Variants in HTR6 observed in about 807,000 individuals in gnomAD.
HTR6 encodes the protein 5-hydroxytryptamine receptor 6, also known as 5-hydroxytryptamine (serotonin) receptor 6, G protein-coupled.
In HTR6, 15 loss-of-function variants were observed where a neutral mutation model predicts 17.4. The observed-to-expected ratio is 0.86, with a 90% CI of 0.58 to 1.33. HTR6 has a LOEUF of 1.33. HTR6 is among the 40% of genes most tolerant of loss of function. The probability of loss-of-function intolerance (pLI) is 0.00; values close to 1 mark genes in which losing one functional copy is unlikely to be tolerated. For synonymous variants in HTR6, 326 were observed against 295.5 expected (o/e 1.10, Z -1.06); for missense variants, 578 against 616.0 (o/e 0.94, Z 0.65).
rs535261553 is a variant in HTR6 at position 19,664,945 on chromosome 1, C to T, written c.-809C>T. Among the ~76,000 whole-genome samples the T allele has an allele frequency of 0.013, 1,964 of 149,920 alleles. 46 individuals are homozygous for T. Among genetic ancestry groups the T allele is most frequent in the African/African-American group, 0.043 (1,782 of 41,304 alleles). Reference sequence around the variant, plus strand: ...CCGGGCTCGGGAGACCCGGTCCCGCCGCCCGCCCGGCCCGCGGCCGCCTCT... The same window carrying T: ...CCGGGCTCGGGAGACCCGGTCCCGCTGCCCGCCCGGCCCGCGGCCGCCTCT... On this transcript the variant is annotated 5_prime_UTR_variant, in exon 1 of 3. Coordinates refer to ENST00000289753, the MANE Select transcript of HTR6 (RefSeq NM_000871.3). This position sits in a 1 kb window ranked among gnomAD's most constrained non-coding sequence, Gnocchi z 4.7.
At position 19,680,140 on chromosome 1, in the gene HTR6, T is replaced by C. The variant is rs992336859; in HGVS notation, c.*772T>C. On this transcript the variant is annotated 3_prime_UTR_variant, in exon 3 of 3. Coordinates refer to ENST00000289753, the MANE Select transcript of HTR6 (RefSeq NM_000871.3). ...TCCCATGTGTAAGGTAGAGAAATGATGCCTATCTTGCAGGTTGTCTTGAGA... is the reference window on the plus strand; with the variant it reads ...TCCCATGTGTAAGGTAGAGAAATGACGCCTATCTTGCAGGTTGTCTTGAGA... Among the ~76,000 whole-genome samples the C allele has an allele frequency of 9.9e-5, 15 of 152,210 alleles. No individual in the cohort carries two copies. Among genetic ancestry groups the C allele is most frequent in the Non-Finnish European group, 1.9e-4 (13 of 68,036 alleles).
In HTR6 at chr1:19,678,324, G is replaced by C. The variant is rs558393071; in HGVS notation, c.715-243G>C. On this transcript the variant is annotated intron_variant, in intron 1 of 2. Transcript: ENST00000289753. ...GGTTATGTAGGGCTTTATGGTAGGT[G>C]TCAGGGTTCAGTGGGGGGCCAAGGT... 1.8e-3 allele frequency among the ~76,000 whole-genome samples: 268 copies of C among 152,146 alleles called. 2 individuals are homozygous for C. Among genetic ancestry groups the C allele is most frequent in the African/African-American group, 6.2e-3 (256 of 41,482 alleles).
intron 1 of HTR6, among the ~76,000 whole-genome samples, chr1:19,672,786 T>C (rs763681047): frequency 1.3e-5 from 2 of 152,096 alleles, no homozygotes; most frequent in Non-Finnish European, 1.5e-5. Context: ...TCCCAACACT[T>C]TGGGAGGCCA....
chr1:19,674,819 G>A (rs1352363495), intron 1 of HTR6, among the ~76,000 whole-genome samples: 1 of 152,230 alleles, frequency 6.6e-6, no homozygotes, highest in Non-Finnish European at 1.5e-5. Context: ...GAATGTAGGT[G>A]TTGGCTGGAA....
rs199958190 is a variant in HTR6, at chr1:19,665,445, C to G, written c.-309C>G. On this transcript the variant is annotated 5_prime_UTR_variant, in exon 1 of 3. Coordinates refer to ENST00000289753, the MANE Select transcript of HTR6 (RefSeq NM_000871.3). The surrounding 1 kb of genome is among the most constrained non-coding windows in gnomAD (Gnocchi z 4.2). ...CCCATCCGACCTCTGCTTGACTTCC[C>G]GCCGCTTCCTTCAGGGGCCTCGGCT... 9 of 308,648 alleles carry G rather than the reference C, an allele frequency of 2.9e-5. No homozygotes were observed. The highest frequency in any genetic ancestry group is 4.7e-5 in the Non-Finnish European group (8 of 170,356). 19.1% of individuals were successfully genotyped at this position (308,648 alleles called of 1,614,324 possible). A position where few individuals can be genotyped will look rare whatever the true frequency, so the allele number is the denominator to read the frequency against.
chr1:19,669,032 C>T (rs2095084821), intron 1 of HTR6, among the ~76,000 whole-genome samples: 1 of 152,212 alleles, frequency 6.6e-6, no homozygotes, highest in Non-Finnish European at 1.5e-5. Flanking sequence ...CTGTAATGGG[C>T]TGACGTGCTC....
chr1:19,680,634 G>C lies in HTR6; in HGVS notation c.*1266G>C, dbSNP rs1245380528. On this transcript the variant is annotated 3_prime_UTR_variant, in exon 3 of 3. Coordinates refer to ENST00000289753, the MANE Select transcript of HTR6 (RefSeq NM_000871.3). ...GGTAGCTACTTGGGTCAGCAGAGTA[G>C]AGTCAAAGAGCTGTTCCTGGTGTGA... is the stretch of plus-strand genomic sequence containing the variant. Among the ~76,000 whole-genome samples the C allele has an allele frequency of 2.6e-5, 4 of 152,200 alleles. No homozygotes were observed. Among genetic ancestry groups the C allele is most frequent in the Admixed American group, 2.0e-4 (3 of 15,280 alleles).
At chr1:19,671,617 G>T (rs2095087975) in intron 1 of HTR6, among the ~76,000 whole-genome samples, 1 of 152,174 alleles carries the variant, frequency 6.6e-6, no homozygotes, top group Non-Finnish European at 1.5e-5. Flanking sequence ...TCAGATGTGG[G>T]TGTCTTGGAC....
intron 1 of HTR6, among the ~76,000 whole-genome samples, chr1:19,675,374 G>A (rs761178424): frequency 1.3e-5 from 2 of 152,134 alleles, no homozygotes; most frequent in African/African-American, 2.4e-5. Context: ...GGCCACTCAG[G>A]TTTTGGTTGG....
intron 1 of HTR6, among the ~76,000 whole-genome samples, chr1:19,667,951 G>A (rs951856688): frequency 2.0e-5 from 3 of 151,672 alleles, no homozygotes; most frequent in Non-Finnish European, 4.4e-5. Context: ...GAGGTCACTG[G>A]GCACATGGGG....
chr1:19,678,993 C>T lies in HTR6; in HGVS notation c.948C>T (p.Asn316=), dbSNP rs1028546545. The change falls in exon 3 of 3, where the codon AAC becomes AAT. Residue 316 remains asparagine, a synonymous_variant. Transcript: ENST00000289753. The part of the protein sequence containing the change: ...TWLGYCNSTM[N]PIIYPLFMRD... ...TGGGTTACTGTAACAGCACCATGAA[C>T]CCCATCATCTACCCACTCTTCATGC... The T allele has an allele frequency of 6.2e-7, 1 of 1,614,052 alleles. No homozygotes were observed. The highest frequency in any genetic ancestry group is 8.5e-7 in the Non-Finnish European group (1 of 1,180,020).
intron 1 of HTR6, among the ~76,000 whole-genome samples, chr1:19,667,583 C>G (rs2095083184): frequency 6.6e-6 from 1 of 151,954 alleles, no homozygotes; most frequent in Admixed American, 6.6e-5. Context: ...ACCAGGCTAA[C>G]TTTTGTATTT....
intron 1 of HTR6, among the ~76,000 whole-genome samples, chr1:19,669,515 C>T (rs148515311): frequency 5.4e-4 from 82 of 152,280 alleles, no homozygotes; most frequent in East Asian, 4.6e-3. Flanking sequence ...GGTGCCATCG[C>T]CCTGTGCTGG....
intron 1 of HTR6, among the ~76,000 whole-genome samples, chr1:19,673,104 C>G (rs2095090152): frequency 6.6e-6 from 1 of 152,230 alleles, no homozygotes; most frequent in South Asian, 2.1e-4. Context: ...CCAGCACCAT[C>G]ACCATCATTA....
chr1:19,667,385 T>C (rs1311587561), intron 1 of HTR6, among the ~76,000 whole-genome samples: 1 of 152,156 alleles, frequency 6.6e-6, no homozygotes, highest in African/African-American at 2.4e-5. Flanking sequence ...TCACACATAT[T>C]GAGATCAGTT....
intron 1 of HTR6, among the ~76,000 whole-genome samples, chr1:19,677,588 A>G (rs2095095898): frequency 6.6e-6 from 1 of 152,186 alleles, no homozygotes; most frequent in African/African-American, 2.4e-5. Context: ...CACATTCTCA[A>G]AAAAGCCTTT....
chr1:19,667,839 A>C (rs2095083497), intron 1 of HTR6, among the ~76,000 whole-genome samples: 1 of 152,028 alleles, frequency 6.6e-6, no homozygotes, highest in African/African-American at 2.4e-5. Context: ...ACCAGGCCTG[A>C]GACCCAGTGA....
At position 19,666,129 on chromosome 1, in the gene HTR6, C is replaced by T; in HGVS notation, c.376C>T (p.Leu126=). The T allele has an allele frequency of 2.5e-6, 4 of 1,612,302 alleles. No individual in the cohort carries two copies. Among genetic ancestry groups the T allele is most frequent in the Non-Finnish European group, 3.4e-6 (4 of 1,179,902 alleles). The change falls in exon 1 of 3, where the codon CTG becomes TTG. Residue 126 remains leucine (L), a synonymous_variant. Transcript: ENST00000289753. This position sits in a 1 kb window ranked among gnomAD's most constrained non-coding sequence, Gnocchi z 4.5. ...NLCLISLDRY[L]LILSPLRYKL... ...CTGCCTCATCAGCCTGGACCGCTAC[C>T]TGCTCATCCTCTCGCCGCTGCGCTA...
At chr1:19,670,246 T>C (rs1570583280) in intron 1 of HTR6, among the ~76,000 whole-genome samples, 1 of 151,838 alleles carries the variant, frequency 6.6e-6, no homozygotes, top group East Asian at 1.9e-4. Context: ...TTCCATCATT[T>C]CCTTCCAGCC....
Sources: allele counts gnomAD v4.1 joint callset (sites outside exome capture counted in the v4.1 genomes callset), GRCh38; gene constraint gnomAD v4.1.1; non-coding constraint Gnocchi (gnomAD v3.1); transcripts MANE v1.5; gene names NCBI Gene and HGNC (gene_info 2026-07-23, HGNC 2026-07-21).